The following EXOC6B variants were observed in gnomAD, a reference collection of about 807,000 sequenced individuals.
The protein encoded by EXOC6B is SEC15 homolog B.
In EXOC6B, 54 loss-of-function variants were observed where a neutral mutation model predicts 113.5. The ratio of observed to expected loss-of-function variants is 0.48; its 90% CI spans 0.38 to 0.60. The LOEUF (loss-of-function observed/expected upper bound fraction) is 0.60, where lower values mean the gene tolerates loss of function less well. EXOC6B is among the 20% of genes least tolerant of loss of function. The pLI is 0.00. For synonymous variants in EXOC6B, 357 were observed against 339.0 expected (o/e 1.05, Z -0.58); for missense variants, 797 against 977.5 (o/e 0.82, Z 2.46).
rs370748615 is a variant in EXOC6B, at chr2:72,287,257, G to A, written c.2196+47690C>T. Among the ~76,000 whole-genome samples, 7 of 151,420 alleles carry A rather than the reference G, an allele frequency of 4.6e-5. No individual in the cohort carries two copies. In the East Asian group the frequency reaches 1.2e-3, roughly 25 times the overall value. On this transcript the variant is annotated intron_variant, in intron 20 of 21. Coordinates refer to ENST00000272427, the MANE Select transcript of EXOC6B (RefSeq NM_015189.3). ...ATCCTGGCTAACACGATGAAACCCC[G>A]TCTCTACTAAAAATACAAATAAAAT...
intron 20 of EXOC6B, among the ~76,000 whole-genome samples, chr2:72,191,952 G>C (rs140729564): frequency 1.0e-3 from 159 of 152,282 alleles, no homozygotes; most frequent in African/African-American, 3.1e-3. Context: ...TTCTTTGGCA[G>C]AAAGGATTAC....
chr2:72,317,159 T>G (rs1687564561), intron 20 of EXOC6B, among the ~76,000 whole-genome samples: 1 of 151,552 alleles, frequency 6.6e-6, no homozygotes, highest in South Asian at 2.1e-4. Flanking sequence ...GTGGTTTGTT[T>G]TTTTTTTTTA....
chr2:72,293,819 A>T (rs1312785036), intron 20 of EXOC6B, among the ~76,000 whole-genome samples: 1 of 152,186 alleles, frequency 6.6e-6, no homozygotes, highest in Non-Finnish European at 1.5e-5. Context: ...ACCGTAGTGA[A>T]TCATACATCT....
intron 6 of EXOC6B, among the ~76,000 whole-genome samples, chr2:72,682,248 TC>T (rs2104548766): frequency 6.6e-6 from 1 of 152,272 alleles, no homozygotes; most frequent in Non-Finnish European, 1.5e-5. Context: ...ACACAATGGC[TC>T]CAACCATTTC....
chr2:72,373,380 C>T (rs923713567), intron 19 of EXOC6B, among the ~76,000 whole-genome samples: 2 of 151,898 alleles, frequency 1.3e-5, no homozygotes, highest in Non-Finnish European at 2.9e-5. Context: ...TAATTAATAC[C>T]GCATAAGCAC....
intron 1 of EXOC6B, among the ~76,000 whole-genome samples, chr2:72,752,441 C>A (rs1218794892): frequency 6.6e-6 from 1 of 151,770 alleles, no homozygotes; most frequent in Non-Finnish European, 1.5e-5. Context: ...CCCATCTTAA[C>A]AAAACAACAC....
intron 2 of EXOC6B, among the ~76,000 whole-genome samples, chr2:72,735,766 T>C (rs1680912009): frequency 6.6e-6 from 1 of 151,126 alleles, no homozygotes; most frequent in Non-Finnish European, 1.5e-5. Flanking sequence ...GTTGCAGGGG[T>C]GGAGATTGCA....
chr2:72,696,004 G>A (rs992640319), intron 6 of EXOC6B, among the ~76,000 whole-genome samples: 10 of 151,672 alleles, frequency 6.6e-5, no homozygotes, highest in Non-Finnish European at 1.2e-4. Flanking sequence ...ATCTACTGGT[G>A]TATATATATA....
At chr2:72,259,411 A>G (rs1683568885) in intron 20 of EXOC6B, among the ~76,000 whole-genome samples, 1 of 152,186 alleles carries the variant, frequency 6.6e-6, no homozygotes, top group Non-Finnish European at 1.5e-5. Flanking sequence ...TATATACTAC[A>G]ATTTGTTTAT....
chr2:72,737,032 G>A (rs912223685), intron 2 of EXOC6B, among the ~76,000 whole-genome samples: 5 of 152,004 alleles, frequency 3.3e-5, no homozygotes, highest in Admixed American at 6.6e-5. Flanking sequence ...ATAGAAAGAC[G>A]CACTACTAAG....
chr2:72,226,380 CT>C lies in EXOC6B; in HGVS notation c.2197-42194del, dbSNP rs536269245. On this transcript the variant is annotated intron_variant, in intron 20 of 21. Coordinates refer to ENST00000272427, the MANE Select transcript of EXOC6B (RefSeq NM_015189.3). The stretch of plus-strand genomic sequence containing the variant: ...AACTGAGTAAGGGCACACAGGCACT[CT>C]TAAATACTGTCTTTGCAACTTTTCT... Among the ~76,000 whole-genome samples, 503 of 152,258 alleles carry C rather than the reference CT, an allele frequency of 3.3e-3. 3 individuals are homozygous for C. The highest frequency in any genetic ancestry group is 0.012 in the African/African-American group (478 of 41,544).
intron 20 of EXOC6B, among the ~76,000 whole-genome samples, chr2:72,208,096 T>A (rs1292738966): frequency 1.3e-5 from 2 of 152,138 alleles, no homozygotes; most frequent in African/African-American, 4.8e-5. Context: ...AATTTCAGTT[T>A]TTATTTTAGA....
intron 20 of EXOC6B, 44 bp from the exon 21 acceptor site, chr2:72,184,231 C>T (rs1263204243): frequency 1.5e-5 from 15 of 968,478 alleles, no homozygotes; most frequent in Non-Finnish European, 2.4e-5. Flanking sequence ...GTCAGACAGA[C>T]AAGACAAACC....
At chr2:72,659,566 G>C (rs868677216) in intron 6 of EXOC6B, among the ~76,000 whole-genome samples, 1 of 152,144 alleles carries the variant, frequency 6.6e-6, no homozygotes, top group Middle Eastern at 3.4e-3. Context: ...TGAGGGTTTT[G>C]TTGTTGTTGT....
At chr2:72,200,022 G>A (rs1572986462) in intron 20 of EXOC6B, among the ~76,000 whole-genome samples, 1 of 152,050 alleles carries the variant, frequency 6.6e-6, no homozygotes, top group Non-Finnish European at 1.5e-5. Flanking sequence ...TCAGCCTCCC[G>A]AGTAGCTGGG....
At chr2:72,631,461 TAGAGAGAGAGAGAGAGAGAGAG>T (rs372313608) in intron 6 of EXOC6B, among the ~76,000 whole-genome samples, 106 of 9,734 alleles carry the variant, frequency 0.011, 1 homozygote, top group Middle Eastern at 0.17. Context: ...TATATATATA[TAGAGAGAGAGAGAGAGAGAGAG>T]AGAGAGAGAG....
chr2:72,325,984 T>C (rs946453451), intron 20 of EXOC6B, among the ~76,000 whole-genome samples: 3 of 152,118 alleles, frequency 2.0e-5, no homozygotes, highest in African/African-American at 7.2e-5. Flanking sequence ...TAAACTGAAC[T>C]ATGTCCTAGT....
intron 8 of EXOC6B, among the ~76,000 whole-genome samples, chr2:72,544,403 AT>A (rs891060600): frequency 1.3e-5 from 2 of 151,878 alleles, no homozygotes; most frequent in Non-Finnish European, 2.9e-5. Flanking sequence ...AACATGACGG[AT>A]TTTTTTTAAA....
At chr2:72,308,102 C>T (rs1293753972) in intron 20 of EXOC6B, among the ~76,000 whole-genome samples, 9 of 152,070 alleles carry the variant, frequency 5.9e-5, no homozygotes, top group East Asian at 3.9e-4. Context: ...AAATCTCTTC[C>T]GCAGAGACCT....
Sources: allele counts gnomAD v4.1 joint callset (sites outside exome capture counted in the v4.1 genomes callset), GRCh38; gene constraint gnomAD v4.1.1; transcripts MANE v1.5; gene names NCBI Gene and HGNC (gene_info 2026-07-23, HGNC 2026-07-21).